GNG2: variants seen among roughly 807,000 people sequenced by gnomAD.
GNG2 encodes guanine nucleotide-binding protein G(I)/G(S)/G(O) subunit gamma-2.
A neutral mutation model predicts 5.5 loss-of-function variants in GNG2; 5 were observed. That is an observed-to-expected ratio of 0.91 (90% CI 0.48 to 1.92). GNG2 has a LOEUF of 1.92. GNG2 is among the 30% of genes most tolerant of loss of function. The pLI is 0.01. For missense variants in GNG2, 55 were observed against 88.4 expected, an observed-to-expected ratio of 0.62 and a Z score of 1.52; for synonymous variants, 28 against 32.0, an observed-to-expected ratio of 0.88 and a Z score of 0.42.
At chr14:51,855,950 A>G (rs1244100900), upstream of GNG2, among the ~76,000 whole-genome samples, 1 of 152,228 alleles carries the variant, frequency 6.6e-6, no homozygotes, top group Non-Finnish European at 1.5e-5. Flanking sequence ...AGGCAGGTGG[A>G]TCACCTGAGG....
chr14:51,957,042 G>A (rs967309374), intron 3 of GNG2, among the ~76,000 whole-genome samples: 2 of 134,734 alleles, frequency 1.5e-5, no homozygotes, highest in African/African-American at 2.9e-5. Flanking sequence ...CTTACTTCCC[G>A]GTTCTCAGTC....
intron 1 of GNG2, among the ~76,000 whole-genome samples, chr14:51,870,537 C>G (rs1223396063): frequency 6.6e-6 from 1 of 152,132 alleles, no homozygotes; most frequent in Non-Finnish European, 1.5e-5. Flanking sequence ...TACCCTGGGC[C>G]AAGTAATGAG....
chr14:51,914,823 C>T (rs770900326), intron 2 of GNG2, among the ~76,000 whole-genome samples: 1 of 152,052 alleles, frequency 6.6e-6, no homozygotes, highest in Non-Finnish European at 1.5e-5. Context: ...TTGATGCTGA[C>T]GAGAGTCACT....
At chr14:51,841,202 G>A (rs1315472223) in intron 2 of GNG2, among the ~76,000 whole-genome samples, 1 of 152,158 alleles carries the variant, frequency 6.6e-6, no homozygotes, top group East Asian at 1.9e-4. Flanking sequence ...AACAAGGATA[G>A]CACCACAGGA....
intron 2 of GNG2, among the ~76,000 whole-genome samples, chr14:51,943,191 C>T (rs1332471020): frequency 2.0e-5 from 3 of 152,092 alleles, no homozygotes; most frequent in Admixed American, 6.5e-5. Context: ...AAGACTAGGC[C>T]GATGGGGTGA....
chr14:51,888,655 C>T (rs1360997407), intron 2 of GNG2, among the ~76,000 whole-genome samples: 1 of 152,182 alleles, frequency 6.6e-6, no homozygotes, highest in Non-Finnish European at 1.5e-5. Context: ...CATGTTACCA[C>T]AGCTGACGTC....
intron 2 of GNG2, among the ~76,000 whole-genome samples, chr14:51,889,323 G>A (rs1258201249): frequency 6.6e-6 from 1 of 152,020 alleles, no homozygotes; most frequent in Non-Finnish European, 1.5e-5. Flanking sequence ...ATGTTGGCCA[G>A]GATGGTCACA....
At chr14:51,865,819 A>C (rs1047248666) in intron 1 of GNG2, among the ~76,000 whole-genome samples, 2 of 152,168 alleles carry the variant, frequency 1.3e-5, no homozygotes, top group African/African-American at 4.8e-5. Flanking sequence ...TAGAGATTTA[A>C]ATTTTCAGGT....
At chr14:51,894,271 A>T (rs1039500771) in intron 2 of GNG2, among the ~76,000 whole-genome samples, 1 of 152,162 alleles carries the variant, frequency 6.6e-6, no homozygotes, top group Non-Finnish European at 1.5e-5. Context: ...TTCTCGATAT[A>T]TAAAGATTTT....
chr14:51,909,032 T>C (rs1408017654), intron 2 of GNG2, among the ~76,000 whole-genome samples: 3 of 152,180 alleles, frequency 2.0e-5, no homozygotes. Context: ...TTAACAGATA[T>C]TTACCTATCA....
intron 3 of GNG2, among the ~76,000 whole-genome samples, chr14:51,965,716 A>G: frequency 6.6e-6 from 1 of 152,192 alleles, no homozygotes; most frequent in Non-Finnish European, 1.5e-5. Context: ...ATCTGCTTAA[A>G]AAGGGAAATT....
rs531971526 is a variant in GNG2 at position 51,914,715 on chromosome 14, A to G, written c.-29-35935A>G. 4.6e-5 allele frequency among the ~76,000 whole-genome samples: 7 copies of G among 152,334 alleles called. No homozygotes were observed. The East Asian group carries it at 5.8e-4, about 13-fold the overall frequency. On this transcript the variant is annotated intron_variant, in intron 2 of 3. Coordinates refer to ENST00000556766, the MANE Select transcript of GNG2 (RefSeq NM_053064.5). ...GGTCTTTGCTGATGCAACTTGTTGA[A>G]CTGATCCTCATGGGCTATTAGCTTC...
upstream of GNG2, among the ~76,000 whole-genome samples, chr14:51,859,176 G>T (rs1882302489): frequency 5.3e-5 from 8 of 152,280 alleles, no homozygotes; most frequent in South Asian, 6.2e-4. Flanking sequence ...GGCAAGATTA[G>T]CTTTCCAGGC....
intron 2 of GNG2, among the ~76,000 whole-genome samples, chr14:51,833,024 A>C (rs1274789818): frequency 6.6e-6 from 1 of 152,226 alleles, no homozygotes; most frequent in African/African-American, 2.4e-5. Context: ...AGAGATTGGA[A>C]AAATTTTCTC....
intron 2 of GNG2, among the ~76,000 whole-genome samples, chr14:51,838,648 A>G (rs1023767897): frequency 1.3e-5 from 2 of 152,226 alleles, no homozygotes; most frequent in East Asian, 3.8e-4. Context: ...TTCATATGTT[A>G]AAGCACAATA....
At chr14:51,941,919 C>T (rs1420365160) in intron 2 of GNG2, among the ~76,000 whole-genome samples, 1 of 152,140 alleles carries the variant, frequency 6.6e-6, no homozygotes, top group Non-Finnish European at 1.5e-5. Flanking sequence ...GTCTGGAATT[C>T]AGGTGGGATA....
intron 3 of GNG2, among the ~76,000 whole-genome samples, chr14:51,957,003 C>T (rs963742488): frequency 2.6e-5 from 4 of 152,036 alleles, no homozygotes; most frequent in African/African-American, 7.2e-5. Flanking sequence ...TAGAGTACCA[C>T]CTGCCCCACC....
chr14:51,881,488 G>A (rs888034076), intron 2 of GNG2, among the ~76,000 whole-genome samples: 1 of 152,082 alleles, frequency 6.6e-6, no homozygotes, highest in Non-Finnish European at 1.5e-5. Context: ...TACTTCTGCA[G>A]TACTCTGCCA....
chr14:51,931,376 A>G (rs1432750212), intron 2 of GNG2, among the ~76,000 whole-genome samples: 1 of 152,182 alleles, frequency 6.6e-6, no homozygotes, highest in Non-Finnish European at 1.5e-5. Context: ...GGTCTGGAAA[A>G]GAAGAGTTTG....
Sources: gnomAD v4.1 joint callset for allele counts (sites outside exome capture counted in the v4.1 genomes callset) on GRCh38, gnomAD v4.1.1 for gene constraint, MANE v1.5 for transcripts, NCBI Gene and HGNC (gene_info 2026-07-23, HGNC 2026-07-21) for gene names.